Variants in HIF1A observed in about 807,000 individuals in gnomAD.
HIF1A encodes hypoxia inducible factor 1 subunit alpha, also known as hypoxia-inducible factor 1-alpha.
A neutral mutation model predicts 92.7 loss-of-function variants in HIF1A; 24 were observed. The ratio of observed to expected loss-of-function variants is 0.26; its 90% CI spans 0.19 to 0.36. The LOEUF is 0.36. Ranked by LOEUF, HIF1A falls within the 10% of genes least tolerant of loss-of-function variation. The probability of loss-of-function intolerance (pLI) is 1.00; values close to 1 mark genes in which losing one functional copy is unlikely to be tolerated. For synonymous variants in HIF1A, 319 were observed against 338.7 expected, an observed-to-expected ratio of 0.94 and a Z score of 0.64; for missense variants, 799 against 998.5, an observed-to-expected ratio of 0.80 and a Z score of 2.69.
intron 6 of HIF1A, among the ~76,000 whole-genome samples, chr14:61,730,099 A>T (rs2044557397): frequency 6.6e-6 from 1 of 152,196 alleles, no homozygotes; most frequent in African/African-American, 2.4e-5. Context: ...TCATGGCACT[A>T]AAGTAGAAAT....
chr14:61,746,786 T>C, intron 14 of HIF1A, 148 bp from the exon 15 acceptor site: 1 of 585,634 alleles, frequency 1.7e-6, no homozygotes. Context: ...TATACTTACT[T>C]TTTAACATAG....
intron 6 of HIF1A, 144 bp from the exon 7 acceptor site, chr14:61,732,274 T>G: frequency 1.7e-6 from 1 of 604,784 alleles, no homozygotes; most frequent in Non-Finnish European, 3.0e-6. Flanking sequence ...AGGTGTAAAT[T>G]TATTCTAAGC....
rs149253595 is a variant in HIF1A at position 61,725,370 on chromosome 14, C to T, written c.458-1336C>T. On this transcript the variant is annotated intron_variant, in intron 4 of 14. Coordinates refer to ENST00000337138, the MANE Select transcript of HIF1A (RefSeq NM_001530.4). ...ATATTTTTATATGTGTTCTGAAGCA[C>T]ACTGACCAATGAAGATAAGAAATCA... Among the ~76,000 whole-genome samples, 900 of 152,160 alleles carry T rather than the reference C, an allele frequency of 5.9e-3. 13 individuals are homozygous for T. Among genetic ancestry groups the T allele is most frequent in the African/African-American group, 0.02 (840 of 41,522 alleles).
intron 1 of HIF1A, among the ~76,000 whole-genome samples, chr14:61,699,207 T>G (rs2044149158): frequency 6.6e-6 from 1 of 152,202 alleles, no homozygotes; most frequent in Non-Finnish European, 1.5e-5. Context: ...GTGTATTTAC[T>G]GAACTATCGA....
At chr14:61,711,687 C>T (rs1346622263) in intron 1 of HIF1A, among the ~76,000 whole-genome samples, 2 of 152,130 alleles carry the variant, frequency 1.3e-5, no homozygotes, top group Non-Finnish European at 2.9e-5. Context: ...GCTCTGCTGG[C>T]TCTGATGTTT....
chr14:61,730,272 A>C (rs2044560018), intron 6 of HIF1A, among the ~76,000 whole-genome samples: 1 of 152,158 alleles, frequency 6.6e-6, no homozygotes, highest in African/African-American at 2.4e-5. Context: ...AATTAACCTC[A>C]CTTTTCTTGC....
chr14:61,703,221 A>C (rs931488232), intron 1 of HIF1A, among the ~76,000 whole-genome samples: 2 of 152,278 alleles, frequency 1.3e-5, no homozygotes, highest in African/African-American at 4.8e-5. Flanking sequence ...CTTTCAATGT[A>C]ATTGCCTGTT....
chr14:61,727,651 G>C lies in HIF1A; in HGVS notation c.769G>C (p.Glu257Gln). ...SLDMKFSYCD[E>Q]RITELMGYEP... ...GGATATGAAATTTTCTTATTGTGATGAAAGGTAAATTAGATCTAAAATGTG... is the reference window on the plus strand; with the variant it reads ...GGATATGAAATTTTCTTATTGTGATCAAAGGTAAATTAGATCTAAAATGTG... The change falls in exon 6 of 15, where the codon GAA becomes CAA. Residue 257 changes from glutamate (E) to glutamine (Q), a missense_variant. By Grantham distance (29) the Glu-to-Gln change is conservative. Coordinates refer to ENST00000337138, the MANE Select transcript of HIF1A (RefSeq NM_001530.4). The C allele has an allele frequency of 2.5e-6, 4 of 1,603,276 alleles. No homozygotes were observed. The highest frequency in any genetic ancestry group is 3.4e-6 in the Non-Finnish European group (4 of 1,170,268).
chr14:61,745,734 C>T lies in HIF1A; in HGVS notation c.2246C>T (p.Ser749Leu). 6.2e-7 allele frequency: 1 copy of T among 1,612,102 alleles called. No homozygotes were observed. Among genetic ancestry groups the T allele is most frequent in the Non-Finnish European group, 8.5e-7 (1 of 1,178,214 alleles). ...QQPDDHAATT[S>L]LSWKRVKGCK... Reference sequence around the variant, plus strand: ...CCAGACGATCATGCAGCTACTACATCACTTTCTTGGAAACGTGTAAAAGGA... The same window carrying T: ...CCAGACGATCATGCAGCTACTACATTACTTTCTTGGAAACGTGTAAAAGGA... The change falls in exon 14 of 15, where the codon TCA becomes TTA. Residue 749 changes from serine (S) to leucine (L), a missense_variant. By Grantham distance (145) the Ser-to-Leu change is moderately radical. Around this residue, in one of 2 missense-constraint regions of HIF1A, gnomAD observed 283 missense variants for 277.5 expected, o/e 1.02. Transcript: ENST00000337138.
intron 6 of HIF1A, among the ~76,000 whole-genome samples, chr14:61,730,192 T>C (rs1208747922): frequency 6.6e-6 from 1 of 152,186 alleles, no homozygotes; most frequent in East Asian, 1.9e-4. Context: ...AAAAACACTT[T>C]TTGGTCATAT....
chr14:61,707,509 A>G (rs987292856), intron 1 of HIF1A, among the ~76,000 whole-genome samples: 6 of 147,332 alleles, frequency 4.1e-5, no homozygotes, highest in African/African-American at 1.5e-4. Flanking sequence ...TCCTGTGTCC[A>G]TGTGTTCTCA....
Position 61,724,404 on chromosome 14 carries a change from C to T in HIF1A, c.458-2302C>T, listed in dbSNP as rs141710731. Among the ~76,000 whole-genome samples the T allele has an allele frequency of 2.8e-3, 376 of 135,802 alleles. 2 individuals carry two copies. Among genetic ancestry groups the T allele is most frequent in the African/African-American group, 8.9e-3 (344 of 38,644 alleles). 89.1% of individuals were successfully genotyped at this position (135,802 alleles called of 152,430 possible). ...CTCCCCCTCCCTCCCGCACTCCTTC[C>T]CTTCCCCCTCCTTTGCTCTCATGGC... On this transcript the variant is annotated intron_variant, in intron 4 of 14. Transcript: ENST00000337138.
At position 61,746,398 on chromosome 14, in the gene HIF1A, T is replaced by C. The variant is rs796579178; in HGVS notation, c.2330-536T>C. ...TTGTGAACTTTTATGACTTCTTTTT[T>C]TTTTTTTTTTTTTTTTGAGACAGGG... is the stretch of plus-strand genomic sequence containing the variant. On this transcript the variant is annotated intron_variant, in intron 14 of 14. Transcript: ENST00000337138. 5.6e-3 allele frequency among the ~76,000 whole-genome samples: 806 copies of C among 143,722 alleles called. 13 individuals are homozygous for C. Among genetic ancestry groups the C allele is most frequent in the African/African-American group, 0.019 (722 of 37,252 alleles). The allele number at this position is 143,722 out of a possible 152,430, so 94.3% of individuals were successfully genotyped here.
chr14:61,698,938 G>T (rs530219129), intron 1 of HIF1A: 1 of 152,204 alleles, frequency 6.6e-6, no homozygotes, highest in Non-Finnish European at 1.5e-5. Context: ...TGCATTCTTA[G>T]TACTGGCAGT....
At position 61,695,769 on chromosome 14, in the gene HIF1A, C is replaced by T. The variant is rs1555336285; in HGVS notation, c.-36C>T. 2.5e-6 allele frequency: 4 copies of T among 1,572,826 alleles called. No homozygotes were observed. The highest frequency in any genetic ancestry group is 1.3e-5 in the African/African-American group (1 of 74,244). ...CTTAGGCCGGAGCGAGCCTGGGGGC[C>T]GCCCGCCGTGAAGACATCGCGGGGA... On this transcript the variant is annotated 5_prime_UTR_variant, in exon 1 of 15. Coordinates refer to ENST00000337138, the MANE Select transcript of HIF1A (RefSeq NM_001530.4).
At chr14:61,739,472 C>T (rs527723127) in intron 10 of HIF1A, among the ~76,000 whole-genome samples, 2 of 152,070 alleles carry the variant, frequency 1.3e-5, no homozygotes, top group Non-Finnish European at 2.9e-5. Flanking sequence ...AATAATTCTA[C>T]ATTAGGTATT....
intron 6 of HIF1A, among the ~76,000 whole-genome samples, chr14:61,731,560 A>T (rs2044575847): frequency 6.6e-6 from 1 of 152,172 alleles, no homozygotes; most frequent in Non-Finnish European, 1.5e-5. Context: ...AACCAACATA[A>T]TTCCTTTAGT....
At chr14:61,708,585 G>A (rs550782097) in intron 1 of HIF1A, among the ~76,000 whole-genome samples, 1 of 149,824 alleles carries the variant, frequency 6.7e-6, no homozygotes, top group Non-Finnish European at 1.5e-5. Context: ...TCTTGTTTTT[G>A]TCAGGTTTGT....
intron 1 of HIF1A, among the ~76,000 whole-genome samples, chr14:61,702,405 ACTCCAGCCTGATGACAGTGTG>A (rs986922972): frequency 7.3e-5 from 11 of 150,336 alleles, no homozygotes; most frequent in African/African-American, 2.4e-4. Flanking sequence ...GCGCCACTGC[ACTCCAGCCTGATGACAGTGTG>A]AGATGCTGTC....
Sources: gnomAD v4.1 joint callset for allele counts (sites outside exome capture counted in the v4.1 genomes callset) on GRCh38, gnomAD v4.1.1 for gene constraint, gnomAD v4.1.1 regional missense constraint, MANE v1.5 for transcripts, NCBI Gene and HGNC (gene_info 2026-07-23, HGNC 2026-07-21) for gene names.